FRMD4B: variants seen among roughly 807,000 people sequenced by gnomAD.
The protein encoded by FRMD4B is FERM domain-containing protein 4B.
FRMD4B carries 74 observed loss-of-function variants against 141.5 expected under a neutral mutation model. The observed-to-expected ratio is 0.52, with a 90% confidence interval of 0.43 to 0.63. FRMD4B has a LOEUF of 0.63. FRMD4B is among the 30% of genes least tolerant of loss of function. The pLI is 0.00. For synonymous variants in FRMD4B, 506 were observed against 467.9 expected (o/e 1.08, Z -1.05); for missense variants, 1,366 against 1,253.4 (o/e 1.09, Z -1.36).
intron 1 of FRMD4B, among the ~76,000 whole-genome samples, chr3:69,465,035 C>T (rs931589623): frequency 2.0e-5 from 3 of 152,146 alleles, no homozygotes; most frequent in Non-Finnish European, 4.4e-5. Flanking sequence ...CAAAAACAAT[C>T]TTCATCCAGG....
At chr3:69,471,485 T>G (rs754771100) in intron 1 of FRMD4B, 7 of 262,486 alleles carry the variant, frequency 2.7e-5, no homozygotes, top group Non-Finnish European at 5.3e-5. Context: ...ATGACCCCTT[T>G]TAAAAATAGG....
At chr3:69,387,605 C>T (rs111348067), upstream of FRMD4B, among the ~76,000 whole-genome samples, 3,266 of 152,250 alleles carry the variant, frequency 0.021, 50 homozygotes, top group Middle Eastern at 0.058. Flanking sequence ...AAGCTTTTCT[C>T]CTGAACTAGC....
At chr3:69,208,507 G>GTTTTCTAACAT (rs760995533) in intron 11 of FRMD4B, among the ~76,000 whole-genome samples, 3,338 of 152,150 alleles carry the variant, frequency 0.022, 63 homozygotes, top group Non-Finnish European at 0.029. Context: ...CCTTCTCCTG[G>GTTTTCTAACAT]GTTTCTAACA....
At chr3:69,492,019 G>C (rs1706308066) in intron 1 of FRMD4B, among the ~76,000 whole-genome samples, 1 of 152,330 alleles carries the variant, frequency 6.6e-6, no homozygotes, top group Non-Finnish European at 1.5e-5. Context: ...AGTCGGCCAA[G>C]AGCAAGTTTA....
intron 11 of FRMD4B, among the ~76,000 whole-genome samples, chr3:69,203,543 G>T (rs1294705385): frequency 8.2e-6 from 1 of 122,358 alleles, no homozygotes; most frequent in Non-Finnish European, 1.7e-5. Context: ...CTTCCATTGT[G>T]GGGCTCACAA....
chr3:69,412,927 C>G (rs760155927), intron 2 of FRMD4B, among the ~76,000 whole-genome samples: 1 of 147,624 alleles, frequency 6.8e-6, no homozygotes, highest in Non-Finnish European at 1.5e-5. Context: ...AAGCTTCACA[C>G]GCACCAGGCA....
chr3:69,524,659 T>C (rs1700906731), intron 1 of FRMD4B, among the ~76,000 whole-genome samples: 1 of 152,102 alleles, frequency 6.6e-6, no homozygotes, highest in Non-Finnish European at 1.5e-5. Context: ...TGGTTAAAGA[T>C]GGCTCTCCAC....
intron 1 of FRMD4B, among the ~76,000 whole-genome samples, chr3:69,515,643 A>G (rs185518734): frequency 6.6e-6 from 1 of 152,300 alleles, no homozygotes; most frequent in East Asian, 1.9e-4. Context: ...ATTGTGGCCA[A>G]AAATAATTAT....
chr3:69,277,353 T>TTCCAAAGATG (rs1264853406), intron 5 of FRMD4B, among the ~76,000 whole-genome samples: 1 of 152,080 alleles, frequency 6.6e-6, no homozygotes, highest in Non-Finnish European at 1.5e-5. Flanking sequence ...TCTTGACTAA[T>TTCCAAAGATG]TCCAAAGATG....
intron 11 of FRMD4B, among the ~76,000 whole-genome samples, chr3:69,213,528 A>G (rs1328303903): frequency 1.3e-5 from 2 of 152,124 alleles, no homozygotes; most frequent in Non-Finnish European, 2.9e-5. Flanking sequence ...CTCCTCCTGG[A>G]AATTAATTAA....
At chr3:69,200,071 A>G (rs1054699283) in intron 11 of FRMD4B, among the ~76,000 whole-genome samples, 1 of 152,242 alleles carries the variant, frequency 6.6e-6, no homozygotes, top group African/African-American at 2.4e-5. Context: ...TTAATAGTCT[A>G]TACAATAAGC....
intron 1 of FRMD4B, among the ~76,000 whole-genome samples, chr3:69,383,975 AT>A (rs1245227495): frequency 6.7e-6 from 1 of 149,354 alleles, no homozygotes; most frequent in Non-Finnish European, 1.5e-5. Context: ...TTTATTTTTT[AT>A]TTTTTTAAGA....
intron 1 of FRMD4B, among the ~76,000 whole-genome samples, chr3:69,362,121 A>G (rs1703487200): frequency 6.6e-6 from 1 of 152,230 alleles, no homozygotes; most frequent in South Asian, 2.1e-4. Context: ...ATAATTGTAG[A>G]TTAATAATAA....
intron 1 of FRMD4B, among the ~76,000 whole-genome samples, chr3:69,322,485 CACTT>C (rs1303321071): frequency 6.6e-6 from 1 of 152,118 alleles, no homozygotes; most frequent in Non-Finnish European, 1.5e-5. Flanking sequence ...TTCTAGCAAA[CACTT>C]ACTACATGTC....
chr3:69,252,083 C>CG (rs2093466727), intron 5 of FRMD4B, among the ~76,000 whole-genome samples: 1 of 152,268 alleles, frequency 6.6e-6, no homozygotes, highest in South Asian at 2.1e-4. Flanking sequence ...TGACATCCCA[C>CG]GACCCACCTT....
rs192179258 is a variant in FRMD4B at position 69,193,453 on chromosome 3, A to C, written c.1714+195T>G. Among the ~76,000 whole-genome samples the C allele has an allele frequency of 3.0e-3, 464 of 152,274 alleles. 5 individuals carry two copies. Among genetic ancestry groups the C allele is most frequent in the African/African-American group, 0.011 (437 of 41,560 alleles). ...AACCCATGAGGTGGAGTTTGCAGTG[A>C]GCCGAGATTGCCCCATTGCACTCCA... On this transcript the variant is annotated intron_variant, in intron 17 of 22. Coordinates refer to ENST00000398540, the MANE Select transcript of FRMD4B (RefSeq NM_015123.3).
rs1045092678 is a variant in FRMD4B, at chr3:69,169,915, C to A, written c.*1946G>T. ...TGAAATTAGTATAAATTACTTGCTA[C>A]AAATAAACAACATTCCCAAGATTAA... On this transcript the variant is annotated 3_prime_UTR_variant, in exon 23 of 23. Transcript: ENST00000398540. 5.3e-5 allele frequency: 8 copies of A among 152,130 alleles called. No homozygotes were observed. The highest frequency in any genetic ancestry group is 1.7e-4 in the African/African-American group (7 of 41,426). 9.4% of individuals were successfully genotyped at this position (152,130 alleles called of 1,614,324 possible).
chr3:69,453,055 G>T (rs1419038743), intron 1 of FRMD4B, among the ~76,000 whole-genome samples: 2 of 152,200 alleles, frequency 1.3e-5, no homozygotes, highest in African/African-American at 2.4e-5. Context: ...CAGATGCTCA[G>T]TTGCCATGTG....
chr3:69,344,911 G>T (rs9832654), intron 1 of FRMD4B, among the ~76,000 whole-genome samples: 2 of 151,826 alleles, frequency 1.3e-5, no homozygotes, highest in East Asian at 3.9e-4. Context: ...CAGCTTGAGC[G>T]ATGCAGAAGA....
Sources: allele counts gnomAD v4.1 joint callset (sites outside exome capture counted in the v4.1 genomes callset), GRCh38; gene constraint gnomAD v4.1.1; transcripts MANE v1.5; gene names NCBI Gene and HGNC (gene_info 2026-07-23, HGNC 2026-07-21).